Variants in RASGEF1C observed in about 807,000 individuals in gnomAD.
RASGEF1C encodes the protein RasGEF domain family member 1C.
A neutral mutation model predicts 58.1 loss-of-function variants in RASGEF1C; 27 were observed. The observed-to-expected ratio is 0.46, with a 90% confidence interval of 0.34 to 0.64. RASGEF1C has a LOEUF of 0.64. RASGEF1C is among the 30% of genes least tolerant of loss of function. The pLI is 0.01. For missense variants in RASGEF1C, 502 were observed against 605.1 expected (o/e 0.83, Z 1.79); for synonymous variants, 243 against 246.3 (o/e 0.99, Z 0.13).
At chr5:180,114,775 C>G (rs148070815) in intron 10 of RASGEF1C, among the ~76,000 whole-genome samples, 1 of 152,204 alleles carries the variant, frequency 6.6e-6, no homozygotes, top group Admixed American at 6.5e-5. Flanking sequence ...GGAGCAGGCG[C>G]GCATCACCCT....
intron 1 of RASGEF1C, among the ~76,000 whole-genome samples, chr5:180,142,250 G>C (rs898859308): frequency 1.4e-4 from 22 of 152,156 alleles, no homozygotes; most frequent in African/African-American, 5.3e-4. Flanking sequence ...GCACGGTGTG[G>C]CTGCTCCCGT....
rs751208296 is a variant in RASGEF1C at position 180,177,407 on chromosome 5, G to A, written c.-7+31621C>T. On this transcript the variant is annotated intron_variant, in intron 1 of 13. Coordinates refer to ENST00000361132, the MANE Select transcript of RASGEF1C (RefSeq NM_175062.4). The surrounding 1 kb of genome is among the most constrained non-coding windows in gnomAD (Gnocchi z 5.0). ...CCAGCAGCCCCAGCAAAAGCTCTTCGGTGAGTGCCTGCGCAATCTGCCCGG... is the reference window on the plus strand; with the variant it reads ...CCAGCAGCCCCAGCAAAAGCTCTTCAGTGAGTGCCTGCGCAATCTGCCCGG... Among the ~76,000 whole-genome samples, 5 of 151,960 alleles carry A rather than the reference G, an allele frequency of 3.3e-5. No homozygotes were observed. Among genetic ancestry groups the A allele is most frequent in the Admixed American group, 6.5e-5 (1 of 15,278 alleles).
chr5:180,173,478 C>T (rs761336690), intron 1 of RASGEF1C, among the ~76,000 whole-genome samples: 4 of 152,198 alleles, frequency 2.6e-5, no homozygotes, highest in Non-Finnish European at 5.9e-5. Context: ...GCTATGTGGA[C>T]GTCACTCCCT....
At chr5:180,188,168 A>G (rs1267800386) in intron 1 of RASGEF1C, among the ~76,000 whole-genome samples, 2 of 152,238 alleles carry the variant, frequency 1.3e-5, no homozygotes, top group Non-Finnish European at 1.5e-5. Context: ...TCAAGTACAG[A>G]TACATGTCAC....
intron 1 of RASGEF1C, among the ~76,000 whole-genome samples, chr5:180,175,562 C>T (rs576471139): frequency 9.3e-4 from 141 of 152,358 alleles, no homozygotes; most frequent in Non-Finnish European, 1.6e-3. Context: ...TCCAGGGCCA[C>T]ACTCGGGACA....
intron 1 of RASGEF1C, among the ~76,000 whole-genome samples, chr5:180,169,642 T>C (rs1303668025): frequency 6.6e-6 from 1 of 151,988 alleles, no homozygotes; most frequent in Non-Finnish European, 1.5e-5. Context: ...GTTTTCCCTA[T>C]GCACAACAAG....
chr5:180,199,319 T>C (rs1479446491), intron 1 of RASGEF1C, among the ~76,000 whole-genome samples: 1 of 152,174 alleles, frequency 6.6e-6, no homozygotes, highest in Non-Finnish European at 1.5e-5. Flanking sequence ...AGTCCCGCTG[T>C]AGATTAAAGG....
intron 4 of RASGEF1C, among the ~76,000 whole-genome samples, chr5:180,131,593 G>A (rs980339619): frequency 2.6e-5 from 4 of 152,168 alleles, no homozygotes; most frequent in African/African-American, 9.7e-5. Flanking sequence ...GCCAACTGCG[G>A]GCTGCCCTGT....
Sources: allele counts gnomAD v4.1 joint callset (sites outside exome capture counted in the v4.1 genomes callset), GRCh38; gene constraint gnomAD v4.1.1; non-coding constraint Gnocchi (gnomAD v3.1); transcripts MANE v1.5; gene names NCBI Gene and HGNC (gene_info 2026-07-23, HGNC 2026-07-21).